PRUNE2: variants seen among roughly 807,000 people sequenced by gnomAD.
The protein encoded by PRUNE2 is prune homolog 2 with BCH domain, also known as protein prune homolog 2.
A neutral mutation model predicts 252.0 loss-of-function variants in PRUNE2; 164 were observed. That is an observed-to-expected ratio of 0.65 (90% CI 0.57 to 0.74). PRUNE2 has a LOEUF of 0.74. PRUNE2 is among the 30% of genes least tolerant of loss of function. The pLI, the probability that PRUNE2 is intolerant of heterozygous loss-of-function variation, is 0.00. For missense variants in PRUNE2, 3,495 were observed against 3,711.0 expected (o/e 0.94, Z 1.51); for synonymous variants, 1,292 against 1,350.2 (o/e 0.96, Z 0.94).
chr9:76,865,918 T>G (rs560498277), intron 1 of PRUNE2, among the ~76,000 whole-genome samples: 1 of 152,174 alleles, frequency 6.6e-6, no homozygotes, highest in African/African-American at 2.4e-5. Context: ...TAAAATGATT[T>G]TATAAAGTAA....
At chr9:76,899,429 C>T (rs751397282) in intron 1 of PRUNE2, among the ~76,000 whole-genome samples, 10 of 152,184 alleles carry the variant, frequency 6.6e-5, no homozygotes, top group Non-Finnish European at 1.0e-4. Context: ...TAGTGTCCTT[C>T]ACCTTCTTCT....
rs1467176792 is a variant in PRUNE2, at chr9:76,902,050, C to T, written c.36+3878G>A. ...GTTGCATCACCTGGGGGGGTCTGGGCAGTGAGGGAGGCTCAGCAGCAGAGG... is the reference window on the plus strand; with the variant it reads ...GTTGCATCACCTGGGGGGGTCTGGGTAGTGAGGGAGGCTCAGCAGCAGAGG... On this transcript the variant is annotated intron_variant, in intron 1 of 18. Coordinates refer to ENST00000376718, the MANE Select transcript of PRUNE2 (RefSeq NM_015225.3). Among the ~76,000 whole-genome samples the T allele has an allele frequency of 3.9e-5, 6 of 152,138 alleles. No homozygotes were observed. In the East Asian group the frequency reaches 1.2e-3, roughly 29 times the overall value.
At position 76,708,714 on chromosome 9, in the gene PRUNE2, C is replaced by A; in HGVS notation, c.3560G>T (p.Trp1187Leu). The change falls in exon 8 of 19, where the codon TGG becomes TTG. Residue 1187 changes from tryptophan to leucine, a missense_variant. Trp to Leu is a moderately conservative substitution (Grantham distance 61). Transcript: ENST00000376718. ...ATGCTCATCAGAGGCAGGGAGCTCC[C>A]AATCTACCTGATTTGCTTCCTGATA... ...LEYQEANQVD[W>L]ELPASDEHTK... 1 of 1,613,918 alleles carries A rather than the reference C, an allele frequency of 6.2e-7. No homozygotes were observed. The highest frequency in any genetic ancestry group is 8.5e-7 in the Non-Finnish European group (1 of 1,179,866).
intron 6 of PRUNE2, among the ~76,000 whole-genome samples, chr9:76,822,645 T>G (rs1026433729): frequency 6.6e-6 from 1 of 151,916 alleles, no homozygotes; most frequent in African/African-American, 2.4e-5. Context: ...CTGTCTCTAC[T>G]AAAATACAAA....
chr9:76,619,417 C>A (rs1409414688), intron 17 of PRUNE2, 30 bp from the exon 18 acceptor site: 2 of 1,531,806 alleles, frequency 1.3e-6, no homozygotes, highest in Admixed American at 1.8e-5. Flanking sequence ...AGGAAGCAGT[C>A]AACATTTCCC....
At chr9:76,642,408 T>G (rs1363803068) in intron 12 of PRUNE2, among the ~76,000 whole-genome samples, 1 of 152,228 alleles carries the variant, frequency 6.6e-6, no homozygotes, top group Non-Finnish European at 1.5e-5. Context: ...GAATTATTTA[T>G]TCAAATACTG....
intron 6 of PRUNE2, among the ~76,000 whole-genome samples, chr9:76,717,676 ACC>A (rs201240711): frequency 1.4e-5 from 2 of 147,976 alleles, no homozygotes; most frequent in African/African-American, 5.0e-5. Flanking sequence ...TGAACTTACC[ACC>A]CCCCCCACCA....
chr9:76,767,995 G>A (rs1048248395), intron 6 of PRUNE2, among the ~76,000 whole-genome samples: 3 of 152,054 alleles, frequency 2.0e-5, no homozygotes, highest in Non-Finnish European at 2.9e-5. Flanking sequence ...TTCTTTCTTC[G>A]ATGATTTGGA....
intron 6 of PRUNE2, among the ~76,000 whole-genome samples, chr9:76,806,392 G>A (rs554995550): frequency 2.0e-5 from 3 of 152,116 alleles, no homozygotes; most frequent in Non-Finnish European, 2.9e-5. Context: ...ACTGGACTCC[G>A]TGCAGAAAGA....
rs1230739905 is a variant in PRUNE2, at chr9:76,752,199, G to A, written c.757-38478C>T. 1.0e-3 allele frequency among the ~76,000 whole-genome samples: 158 copies of A among 151,524 alleles called. 2 individuals are homozygous for A. The highest frequency in any genetic ancestry group is 4.0e-4 in the Non-Finnish European group (27 of 67,898). On this transcript the variant is annotated intron_variant, in intron 6 of 18. Coordinates refer to ENST00000376718, the MANE Select transcript of PRUNE2 (RefSeq NM_015225.3). ...TGCAAACTCCGCCTCCTGGGTTCAC[G>A]CCATTCTCCTGCCTCAGCCTCCCAA...
At chr9:76,769,397 T>TG (rs1275108092) in intron 6 of PRUNE2, among the ~76,000 whole-genome samples, 35 of 152,228 alleles carry the variant, frequency 2.3e-4, no homozygotes, top group African/African-American at 8.4e-4. Flanking sequence ...CCTCTATTGA[T>TG]GGACATTAAG....
At position 76,655,496 on chromosome 9, in the gene PRUNE2, C is replaced by T. The variant is rs771650449; in HGVS notation, c.8283G>A (p.Leu2761=). Residue 2761 remains leucine (L), a synonymous_variant, in exon 10 of 19, where the codon CTG becomes CTA. Transcript: ENST00000376718. ...GTRISRPNGL[L]SEDVGMDIPF... ...GGATGTCCATTCCTACATCCTCTGACAGTAGTCTGCAAAAAAAGCAAAGCA... is the reference window on the plus strand; with the variant it reads ...GGATGTCCATTCCTACATCCTCTGATAGTAGTCTGCAAAAAAAGCAAAGCA... 2.5e-6 allele frequency: 4 copies of T among 1,611,890 alleles called. No homozygotes were observed. The East Asian group carries it at 8.9e-5, about 36-fold the overall frequency.
At chr9:76,732,053 G>A (rs1396711129) in intron 6 of PRUNE2, among the ~76,000 whole-genome samples, 16 of 152,174 alleles carry the variant, frequency 1.1e-4, no homozygotes, top group Admixed American at 6.5e-4. Flanking sequence ...GGTGGCTCAC[G>A]CCTGTAATCC....
At chr9:76,735,601 T>A (rs950373539) in intron 6 of PRUNE2, among the ~76,000 whole-genome samples, 1 of 152,090 alleles carries the variant, frequency 6.6e-6, no homozygotes, top group East Asian at 1.9e-4. Context: ...GGATCACTCA[T>A]TAGGCTGCAC....
In PRUNE2 at chr9:76,767,793, G is replaced by A. The variant is rs541934967; in HGVS notation, c.757-54072C>T. ...GGGTGTAAAAACCCAGCTGGAGGGA[G>A]TGCACACTGGCTCCTATCTTCTATC... is the stretch of plus-strand genomic sequence containing the variant. On this transcript the variant is annotated intron_variant, in intron 6 of 18. Transcript: ENST00000376718. Among the ~76,000 whole-genome samples, 4 of 152,284 alleles carry A rather than the reference G, an allele frequency of 2.6e-5. No individual in the cohort carries two copies. In the East Asian group the frequency reaches 5.8e-4, roughly 22 times the overall value.
chr9:76,625,090 A>G, intron 16 of PRUNE2: 1 of 1,286,092 alleles, frequency 7.8e-7, no homozygotes, highest in Non-Finnish European at 1.0e-6. Flanking sequence ...GCCATAAGGA[A>G]AATGAGCAAA....
At chr9:76,881,111 G>A (rs1045223826) in intron 1 of PRUNE2, among the ~76,000 whole-genome samples, 12 of 152,108 alleles carry the variant, frequency 7.9e-5, no homozygotes, top group Non-Finnish European at 1.6e-4. Context: ...GGGACTACAG[G>A]CGTGCGCCAC....
chr9:76,852,993 A>G (rs1385978885), intron 2 of PRUNE2, among the ~76,000 whole-genome samples: 1 of 152,074 alleles, frequency 6.6e-6, no homozygotes, highest in Non-Finnish European at 1.5e-5. Flanking sequence ...GGTTTTGTCA[A>G]CTCTATGTTC....
intron 12 of PRUNE2, among the ~76,000 whole-genome samples, chr9:76,640,830 A>T (rs987362672): frequency 6.6e-6 from 1 of 152,252 alleles, no homozygotes. Flanking sequence ...GAGACAACAG[A>T]CATAATGAAT....
Sources: allele counts gnomAD v4.1 joint callset (sites outside exome capture counted in the v4.1 genomes callset), GRCh38; gene constraint gnomAD v4.1.1; transcripts MANE v1.5; gene names NCBI Gene and HGNC (gene_info 2026-07-23, HGNC 2026-07-21).